Variants in DGKB observed in about 807,000 individuals in gnomAD.
DGKB encodes 90 kDa diacylglycerol kinase.
A neutral mutation model predicts 114.3 loss-of-function variants in DGKB; 67 were observed. The observed-to-expected ratio is 0.59, with a 90% CI of 0.48 to 0.72. The LOEUF (loss-of-function observed/expected upper bound fraction) is 0.72. Ranked by LOEUF, DGKB falls within the 30% of genes least tolerant of loss-of-function variation. The pLI is 0.00. For missense variants in DGKB, 907 were observed against 975.2 expected, an observed-to-expected ratio of 0.93 and a Z score of 0.93; for synonymous variants, 398 against 323.1, an observed-to-expected ratio of 1.23 and a Z score of -2.49.
At chr7:14,659,287 T>C (rs1386534485) in intron 13 of DGKB, among the ~76,000 whole-genome samples, 2 of 152,056 alleles carry the variant, frequency 1.3e-5, no homozygotes, top group Non-Finnish European at 2.9e-5. Flanking sequence ...AGTAATAATA[T>C]GGTTAAGTTC....
chr7:14,574,113 A>C (rs1365893494), intron 20 of DGKB, 99 bp downstream of exon 20: 1 of 941,768 alleles, frequency 1.1e-6, no homozygotes, highest in Non-Finnish European at 1.5e-6. Context: ...AAAAGGTAAA[A>C]TAAGTTATTT....
At chr7:14,320,372 G>C (rs77625096) in intron 23 of DGKB, among the ~76,000 whole-genome samples, 2,731 of 152,172 alleles carry the variant, frequency 0.018, 147 homozygotes, top group East Asian at 0.14. Context: ...TATTTATAGA[G>C]TCCAAGTAGC....
At chr7:14,724,026 G>C (rs1474526264) in intron 5 of DGKB, among the ~76,000 whole-genome samples, 4 of 152,046 alleles carry the variant, frequency 2.6e-5, no homozygotes, top group African/African-American at 9.7e-5. Flanking sequence ...TCAAACACTT[G>C]CATTTCATAT....
chr7:14,348,158 C>T (rs1057239133), intron 21 of DGKB, among the ~76,000 whole-genome samples: 1 of 149,998 alleles, frequency 6.7e-6, no homozygotes, highest in African/African-American at 2.4e-5. Flanking sequence ...CCCACTTCTA[C>T]CTGCCCCCAC....
chr7:14,387,810 T>C (rs1018999658), intron 21 of DGKB, among the ~76,000 whole-genome samples: 26 of 152,082 alleles, frequency 1.7e-4, no homozygotes, highest in East Asian at 3.9e-4. Context: ...AATAATCTTA[T>C]AAGGTGTGGA....
intron 1 of DGKB, among the ~76,000 whole-genome samples, chr7:14,973,040 C>G (rs1388393902): frequency 6.6e-6 from 1 of 151,842 alleles, no homozygotes; most frequent in Non-Finnish European, 1.5e-5. Context: ...ATACAATATG[C>G]TCTGCTAAAG....
chr7:14,649,909 A>G (rs924191821), intron 13 of DGKB, among the ~76,000 whole-genome samples: 2 of 142,974 alleles, frequency 1.4e-5, no homozygotes, highest in Admixed American at 1.4e-4. Flanking sequence ...AGGCCATTAC[A>G]TAATGGTAAA....
At chr7:14,903,687 A>T (rs1333227600), upstream of DGKB, among the ~76,000 whole-genome samples, 2 of 152,162 alleles carry the variant, frequency 1.3e-5, no homozygotes, top group Non-Finnish European at 2.9e-5. Context: ...AGGCAGTTAA[A>T]TATTGGGAGA....
intron 23 of DGKB, among the ~76,000 whole-genome samples, chr7:14,302,599 T>C (rs961109615): frequency 6.6e-6 from 1 of 152,102 alleles, no homozygotes; most frequent in African/African-American, 2.4e-5. Context: ...ATTTTAGTCT[T>C]TGGACTTGAA....
chr7:14,198,540 G>T (rs947722429), intron 23 of DGKB, among the ~76,000 whole-genome samples: 2 of 151,998 alleles, frequency 1.3e-5, no homozygotes, highest in East Asian at 1.9e-4. Flanking sequence ...CATTATAGAA[G>T]AGAAACCCAT....
intron 1 of DGKB, among the ~76,000 whole-genome samples, chr7:14,879,555 T>A (rs991567954): frequency 5.3e-5 from 8 of 152,220 alleles, no homozygotes; most frequent in Non-Finnish European, 1.0e-4. Flanking sequence ...GAAACTTTTT[T>A]AAAATATCTG....
intron 25 of DGKB, among the ~76,000 whole-genome samples, chr7:14,159,999 G>A (rs1783623671): frequency 6.6e-6 from 1 of 151,830 alleles, no homozygotes; most frequent in South Asian, 2.1e-4. Flanking sequence ...GACTTGGCTT[G>A]GATAAAAGAG....
At chr7:14,352,608 T>C (rs907664847) in intron 21 of DGKB, among the ~76,000 whole-genome samples, 1 of 152,156 alleles carries the variant, frequency 6.6e-6, no homozygotes, top group African/African-American at 2.4e-5. Flanking sequence ...ACCAATCATG[T>C]TAAGAATTGA....
chr7:14,325,821 C>A (rs921539869), intron 23 of DGKB, among the ~76,000 whole-genome samples: 1 of 152,134 alleles, frequency 6.6e-6, no homozygotes, highest in African/African-American at 2.4e-5. Context: ...TAGAAAATGG[C>A]CCCTTCACCT....
rs1295443274 is a variant in DGKB at position 14,432,193 on chromosome 7, T to C, written c.1835+45968A>G. 3.3e-5 allele frequency among the ~76,000 whole-genome samples: 5 copies of C among 152,336 alleles called. 1 individual carries two copies. The East Asian group carries it at 9.6e-4, about 29-fold the overall frequency. On this transcript the variant is annotated intron_variant, in intron 21 of 25. Coordinates refer to ENST00000402815, the MANE Select transcript of DGKB (RefSeq NM_001350709.2). ...TCTCACTGCAAAGTATAGAAGTTGC[T>C]ACTGTCAAATCAGAAATATTTCCCT...
At chr7:14,904,531 T>C (rs900905612), upstream of DGKB, among the ~76,000 whole-genome samples, 2 of 152,172 alleles carry the variant, frequency 1.3e-5, no homozygotes, top group African/African-American at 4.8e-5. Context: ...CTGATGTGTT[T>C]ATACTGCCTT....
intron 15 of DGKB, among the ~76,000 whole-genome samples, chr7:14,615,666 A>G (rs1806376706): frequency 6.6e-6 from 1 of 151,924 alleles, no homozygotes; most frequent in African/African-American, 2.4e-5. Flanking sequence ...CAATATGGAT[A>G]TACAGGAATA....
At chr7:14,846,558 A>G (rs1848650260) in intron 1 of DGKB, among the ~76,000 whole-genome samples, 1 of 152,228 alleles carries the variant, frequency 6.6e-6, no homozygotes, top group African/African-American at 2.4e-5. Flanking sequence ...ATAAATGGGT[A>G]GAAAGAATGT....
intron 20 of DGKB, among the ~76,000 whole-genome samples, chr7:14,500,066 C>T (rs1394287403): frequency 1.3e-5 from 2 of 151,844 alleles, no homozygotes; most frequent in African/African-American, 4.8e-5. Context: ...CAAATTCGTT[C>T]TGGCCTTTTT....
Sources: gnomAD v4.1 joint callset for allele counts (sites outside exome capture counted in the v4.1 genomes callset) on GRCh38, gnomAD v4.1.1 for gene constraint, MANE v1.5 for transcripts, NCBI Gene and HGNC (gene_info 2026-07-23, HGNC 2026-07-21) for gene names.